The following SLC6A11 variants were observed in gnomAD, a reference collection of about 807,000 sequenced individuals.
The protein encoded by SLC6A11 is sodium- and chloride-dependent GABA transporter 3.
SLC6A11 carries 25 observed loss-of-function variants against 74.8 expected under a neutral mutation model. The observed-to-expected ratio is 0.33, with a 90% CI of 0.24 to 0.47. The LOEUF (loss-of-function observed/expected upper bound fraction) is 0.47, where lower values mean the gene tolerates loss of function less well. Among genes scored for constraint, SLC6A11 ranks in the 20% least tolerant of loss-of-function variants. The pLI is 1.00. For synonymous variants in SLC6A11, 330 were observed against 330.2 expected (o/e 1.00, Z 0.01); for missense variants, 574 against 837.0 (o/e 0.69, Z 3.88).
intron 5 of SLC6A11, among the ~76,000 whole-genome samples, chr3:10,856,505 T>C (rs1179164074): frequency 6.6e-6 from 1 of 152,174 alleles, no homozygotes; most frequent in Non-Finnish European, 1.5e-5. Flanking sequence ...ACTTTACAAA[T>C]GAAGATATTG....
intron 4 of SLC6A11, among the ~76,000 whole-genome samples, chr3:10,840,095 G>T (rs1694418514): frequency 6.6e-6 from 1 of 152,118 alleles, no homozygotes; most frequent in Admixed American, 6.5e-5. Flanking sequence ...ACTCACCACT[G>T]TTGACCACTT....
intron 3 of SLC6A11, among the ~76,000 whole-genome samples, chr3:10,820,932 C>T (rs1037206157): frequency 4.0e-4 from 61 of 152,230 alleles, no homozygotes; most frequent in African/African-American, 1.4e-3. Context: ...CCAGTAAGAT[C>T]GGGTAGGATG....
intron 10 of SLC6A11, among the ~76,000 whole-genome samples, chr3:10,931,904 C>A (rs1042827264): frequency 2.6e-5 from 4 of 152,214 alleles, no homozygotes; most frequent in African/African-American, 9.7e-5. Flanking sequence ...CCAGGGCACT[C>A]TGGGAGCACA....
intron 6 of SLC6A11, among the ~76,000 whole-genome samples, chr3:10,906,398 C>T (rs2106622989): frequency 6.6e-6 from 1 of 152,238 alleles, no homozygotes; most frequent in South Asian, 2.1e-4. Flanking sequence ...GGCCAGATGC[C>T]AACAGCAGTG....
intron 4 of SLC6A11, chr3:10,824,552 A>G (rs1694180829): frequency 1.3e-5 from 2 of 152,168 alleles, no homozygotes; most frequent in African/African-American, 2.4e-5. Context: ...TCTTTCTTGC[A>G]TATTTTTCAA....
At chr3:10,876,793 A>C (rs566984103) in intron 6 of SLC6A11, among the ~76,000 whole-genome samples, 26 of 142,540 alleles carry the variant, frequency 1.8e-4, no homozygotes, top group Admixed American at 4.1e-4. Flanking sequence ...AGAAAAAAAA[A>C]AAACAAACGA....
intron 5 of SLC6A11, among the ~76,000 whole-genome samples, chr3:10,869,697 A>G (rs1000364136): frequency 1.3e-5 from 2 of 152,270 alleles, no homozygotes; most frequent in Admixed American, 1.3e-4. Flanking sequence ...CTCTAAGCCC[A>G]ACCCTTTCAT....
intron 6 of SLC6A11, among the ~76,000 whole-genome samples, chr3:10,904,264 C>G (rs1695275884): frequency 6.6e-6 from 1 of 152,234 alleles, no homozygotes; most frequent in African/African-American, 2.4e-5. Context: ...GTGGTCATAG[C>G]TGGGAAGGTG....
chr3:10,857,773 C>T (rs1475424076), intron 5 of SLC6A11, among the ~76,000 whole-genome samples: 1 of 152,142 alleles, frequency 6.6e-6, no homozygotes, highest in Non-Finnish European at 1.5e-5. Context: ...GCTTTTGTCA[C>T]CCTGAAACGC....
At chr3:10,898,509 C>T (rs1324964864) in intron 6 of SLC6A11, among the ~76,000 whole-genome samples, 1 of 152,196 alleles carries the variant, frequency 6.6e-6, no homozygotes, top group Non-Finnish European at 1.5e-5. Flanking sequence ...CAAAGTTCCA[C>T]AAATATCTAG....
intron 4 of SLC6A11, among the ~76,000 whole-genome samples, chr3:10,836,622 A>G (rs1694370476): frequency 6.6e-6 from 1 of 152,230 alleles, no homozygotes; most frequent in Non-Finnish European, 1.5e-5. Flanking sequence ...TTTGAGAAAC[A>G]TTCAGTTAGA....
intron 4 of SLC6A11, chr3:10,824,121 C>T (rs1334458393): frequency 6.6e-6 from 1 of 152,240 alleles, no homozygotes; most frequent in African/African-American, 2.4e-5. Context: ...GCACACTGAA[C>T]AACCCAAGGG....
In SLC6A11 at chr3:10,933,197, G is replaced by T; in HGVS notation, c.1418G>T (p.Gly473Val). The change falls in exon 11 of 14, where the codon GGG becomes GTG. Residue 473 changes from glycine (G) to valine (V), a missense_variant. By Grantham distance (109) the Gly-to-Val change is moderately radical. Around this residue, in one of 4 missense-constraint regions of SLC6A11, gnomAD observed 257 missense variants for 341.5 expected, o/e 0.75. Coordinates refer to ENST00000254488, the MANE Select transcript of SLC6A11 (RefSeq NM_014229.3). The part of the protein sequence containing the change: ...FQLFDSYAAS[G>V]MCLLFVAIFE... ...CTCTTTGACTCCTATGCCGCCAGTGGGATGTGCCTTCTCTTCGTGGCCATC... is the reference window on the plus strand; with the variant it reads ...CTCTTTGACTCCTATGCCGCCAGTGTGATGTGCCTTCTCTTCGTGGCCATC... 2 of 1,614,088 alleles carry T rather than the reference G, an allele frequency of 1.2e-6. No individual in the cohort carries two copies. The highest frequency in any genetic ancestry group is 1.7e-6 in the Non-Finnish European group (2 of 1,180,016).
At chr3:10,856,680 T>A (rs981724303) in intron 5 of SLC6A11, among the ~76,000 whole-genome samples, 7 of 152,128 alleles carry the variant, frequency 4.6e-5, no homozygotes, top group East Asian at 1.9e-4. Context: ...TGGCAAACAT[T>A]CACCCACCCA....
At chr3:10,904,516 T>C (rs1485916727) in intron 6 of SLC6A11, among the ~76,000 whole-genome samples, 1 of 152,220 alleles carries the variant, frequency 6.6e-6, no homozygotes, top group Non-Finnish European at 1.5e-5. Flanking sequence ...GTGATCCCTT[T>C]CTCAGCTACT....
chr3:10,831,528 T>C (rs1694297553), intron 4 of SLC6A11, among the ~76,000 whole-genome samples: 1 of 152,226 alleles, frequency 6.6e-6, no homozygotes, highest in Admixed American at 6.5e-5. Context: ...ATGTGTTGTA[T>C]ATGCCTTTAT....
At chr3:10,868,798 G>A (rs1472820155) in intron 5 of SLC6A11, among the ~76,000 whole-genome samples, 1 of 152,146 alleles carries the variant, frequency 6.6e-6, no homozygotes, top group East Asian at 1.9e-4. Context: ...CAAATTCTAG[G>A]GCCTCAGACA....
intron 6 of SLC6A11, among the ~76,000 whole-genome samples, chr3:10,887,052 G>A (rs1264437466): frequency 1.3e-5 from 2 of 152,204 alleles, no homozygotes; most frequent in Admixed American, 6.5e-5. Flanking sequence ...GTCAGCACTG[G>A]ATGAATGTAT....
chr3:10,868,198 A>G (rs1054427046), intron 5 of SLC6A11, among the ~76,000 whole-genome samples: 15 of 152,070 alleles, frequency 9.9e-5, no homozygotes, highest in Non-Finnish European at 1.3e-4. Flanking sequence ...AGCACATTGG[A>G]TCTTCTGATT....
Sources: allele counts gnomAD v4.1 joint callset (sites outside exome capture counted in the v4.1 genomes callset), GRCh38; gene constraint gnomAD v4.1.1; regional missense constraint gnomAD v4.1.1; transcripts MANE v1.5; gene names NCBI Gene and HGNC (gene_info 2026-07-23, HGNC 2026-07-21).